UBE2D2: variants seen among roughly 807,000 people sequenced by gnomAD.
The protein encoded by UBE2D2 is ubiquitin-conjugating enzyme E2 D2.
In UBE2D2, 2 loss-of-function variants were observed where a neutral mutation model predicts 24.2. The observed-to-expected ratio is 0.08, with a 90% CI of 0.03 to 0.26. UBE2D2 has a LOEUF of 0.26. Among genes scored for constraint, UBE2D2 ranks in the 10% least tolerant of loss-of-function variants. UBE2D2 has a pLI of 1.00. For synonymous variants in UBE2D2, 58 were observed against 56.5 expected (o/e 1.03, Z -0.12); for missense variants, 44 against 177.6 (o/e 0.25, Z 4.28).
chr5:139,550,523 C>T (rs1324806952), intron 1 of UBE2D2, among the ~76,000 whole-genome samples: 1 of 152,126 alleles, frequency 6.6e-6, no homozygotes, highest in Non-Finnish European at 1.5e-5. Context: ...AAGCAGGCTG[C>T]CTGCGCTAGT....
intron 1 of UBE2D2, among the ~76,000 whole-genome samples, chr5:139,530,337 T>A (rs1581476851): frequency 6.6e-6 from 1 of 152,200 alleles, no homozygotes; most frequent in African/African-American, 2.4e-5. Context: ...ATCTTTCTTC[T>A]TACTGCCCAT....
intron 5 of UBE2D2, among the ~76,000 whole-genome samples, chr5:139,621,253 C>A (rs1469069369): frequency 6.6e-6 from 1 of 152,082 alleles, no homozygotes; most frequent in Non-Finnish European, 1.5e-5. Context: ...TAAATAAATA[C>A]ATACATAAAT....
intron 1 of UBE2D2, among the ~76,000 whole-genome samples, chr5:139,531,920 G>A (rs898999595): frequency 2.6e-5 from 4 of 151,874 alleles, no homozygotes; most frequent in African/African-American, 2.4e-5. Flanking sequence ...CCAGGGGGTC[G>A]AAGCTGCAAT....
intron 1 of UBE2D2, among the ~76,000 whole-genome samples, chr5:139,554,113 T>G (rs1231735548): frequency 6.6e-6 from 1 of 152,170 alleles, no homozygotes; most frequent in Admixed American, 6.5e-5. Flanking sequence ...TGTATAAACT[T>G]GTATAACCTC....
Position 139,593,015 on chromosome 5 carries a change from A to T in UBE2D2, c.25-7357A>T, listed in dbSNP as rs374126205. Reference sequence around the variant, plus strand: ...TTTTTCCTTTTTTTTTTTTTTTTTGAGGCAGAGTCTCGCTCTGTTACCCAG... The same window carrying T: ...TTTTTCCTTTTTTTTTTTTTTTTTGTGGCAGAGTCTCGCTCTGTTACCCAG... On this transcript the variant is annotated intron_variant, in intron 1 of 6. Transcript: ENST00000398733. Among the ~76,000 whole-genome samples, 245 of 106,742 alleles carry T rather than the reference A, an allele frequency of 2.3e-3. 4 individuals are homozygous for T. The East Asian group carries it at 0.045, about 19-fold the overall frequency. The allele number at this position is 106,742 out of a possible 152,430, so 70.0% of individuals were successfully genotyped here.
chr5:139,617,961 A>AAATT (rs1754449096), intron 5 of UBE2D2, among the ~76,000 whole-genome samples: 1 of 151,642 alleles, frequency 6.6e-6, no homozygotes, highest in African/African-American at 2.4e-5. Context: ...CTTAAAAAAA[A>AAATT]ATTATTATTA....
chr5:139,580,622 A>G (rs1753580118), intron 1 of UBE2D2, among the ~76,000 whole-genome samples: 1 of 151,944 alleles, frequency 6.6e-6, no homozygotes, highest in African/African-American at 2.4e-5. Context: ...AATTTCTTGT[A>G]TTTTTAGTAG....
At chr5:139,545,675 C>T (rs1370229745) in intron 1 of UBE2D2, among the ~76,000 whole-genome samples, 6 of 151,044 alleles carry the variant, frequency 4.0e-5, no homozygotes, top group South Asian at 2.1e-4. Flanking sequence ...CCACTCGCCT[C>T]GACCTCCCAA....
At chr5:139,589,605 TTGAAA>T (rs1180376247) in intron 1 of UBE2D2, among the ~76,000 whole-genome samples, 6 of 152,316 alleles carry the variant, frequency 3.9e-5, no homozygotes, top group African/African-American at 1.4e-4. Context: ...GAAACAATTA[TTGAAA>T]TGAAGGCTGT....
At chr5:139,590,425 A>G (rs1455702131) in intron 1 of UBE2D2, among the ~76,000 whole-genome samples, 1 of 149,644 alleles carries the variant, frequency 6.7e-6, no homozygotes, top group African/African-American at 2.5e-5. Context: ...ATAGAGCAAG[A>G]CTCTGTCTCA....
chr5:139,550,228 C>T (rs1006885798), intron 1 of UBE2D2, among the ~76,000 whole-genome samples: 1 of 151,042 alleles, frequency 6.6e-6, no homozygotes, highest in Non-Finnish European at 1.5e-5. Context: ...CAATCAGCAC[C>T]CTGTGTCTAG....
chr5:139,597,044 TA>T (rs1051440749), intron 1 of UBE2D2, among the ~76,000 whole-genome samples: 3 of 148,310 alleles, frequency 2.0e-5, no homozygotes, highest in African/African-American at 2.5e-5. Context: ...AGACTCCATC[TA>T]AAAAAAAAAT....
chr5:139,595,444 T>C (rs894416010), intron 1 of UBE2D2, among the ~76,000 whole-genome samples: 3 of 152,100 alleles, frequency 2.0e-5, no homozygotes, highest in African/African-American at 7.2e-5. Context: ...AGTAGCACGA[T>C]GTTGTCTCAC....
At chr5:139,546,052 T>G (rs1752821797) in intron 1 of UBE2D2, among the ~76,000 whole-genome samples, 1 of 151,520 alleles carries the variant, frequency 6.6e-6, no homozygotes, top group Non-Finnish European at 1.5e-5. Flanking sequence ...TTCTTTTTAT[T>G]TTTTTCTTTT....
intron 1 of UBE2D2, among the ~76,000 whole-genome samples, chr5:139,566,930 A>G (rs916599111): frequency 2.0e-5 from 3 of 151,882 alleles, no homozygotes; most frequent in African/African-American, 7.3e-5. Flanking sequence ...AAAAAAAAAA[A>G]GAACAACAAA....
intron 2 of UBE2D2, among the ~76,000 whole-genome samples, chr5:139,605,123 A>C (rs1685781266): frequency 6.6e-6 from 1 of 152,164 alleles, no homozygotes; most frequent in East Asian, 1.9e-4. Flanking sequence ...TAGTGTAAAA[A>C]TAAAGTGGAG....
At chr5:139,528,353 A>G (rs1469117229) in intron 1 of UBE2D2, among the ~76,000 whole-genome samples, 1 of 152,172 alleles carries the variant, frequency 6.6e-6, no homozygotes, top group African/African-American at 2.4e-5. Context: ...AAAAGAAAAA[A>G]GAAAAACTCA....
intron 1 of UBE2D2, among the ~76,000 whole-genome samples, chr5:139,531,018 G>T (rs1581477040): frequency 6.6e-6 from 1 of 151,982 alleles, no homozygotes; most frequent in African/African-American, 2.4e-5. Context: ...TGCACAAAAA[G>T]ACATAAGTAG....
In UBE2D2 at chr5:139,626,862, C is replaced by A; in HGVS notation, c.*61C>A. The A allele has an allele frequency of 6.8e-7, 1 of 1,468,420 alleles. No homozygotes were observed. Among genetic ancestry groups the A allele is most frequent in the South Asian group, 1.1e-5 (1 of 87,102 alleles). 91.0% of individuals were successfully genotyped at this position (1,468,420 alleles called of 1,614,324 possible). On this transcript the variant is annotated 3_prime_UTR_variant, in exon 7 of 7. Coordinates refer to ENST00000398733, the MANE Select transcript of UBE2D2 (RefSeq NM_003339.3). ...ATAGGGGAACTCTGAAAGAGAAAGT[C>A]CTTTTGATTTCCATTTGACTGCTTT...
Sources: gnomAD v4.1 joint callset for allele counts (sites outside exome capture counted in the v4.1 genomes callset) on GRCh38, gnomAD v4.1.1 for gene constraint, MANE v1.5 for transcripts, NCBI Gene and HGNC (gene_info 2026-07-23, HGNC 2026-07-21) for gene names.